Variants in SDK1 observed in about 807,000 individuals in gnomAD.
The protein encoded by SDK1 is sidekick cell adhesion molecule 1.
A neutral mutation model predicts 245.5 loss-of-function variants in SDK1; 157 were observed. The ratio of observed to expected loss-of-function variants is 0.64; its 90% CI spans 0.56 to 0.73. The LOEUF is 0.73. Among genes scored for constraint, SDK1 ranks in the 30% least tolerant of loss-of-function variants. The pLI, the probability that SDK1 is intolerant of heterozygous loss-of-function variation, is 0.00. For synonymous variants in SDK1, 1,647 were observed against 1,278.5 expected (o/e 1.29, Z -6.15); for missense variants, 3,583 against 3,002.3 (o/e 1.19, Z -4.52).
Position 4,145,791 on chromosome 7 carries a change from CAGTG to C in SDK1, c.4301_4304del (p.Val1434GlyfsTer56). 2 of 1,613,842 alleles carry C rather than the reference CAGTG, an allele frequency of 1.2e-6. No homozygotes were observed. The highest frequency in any genetic ancestry group is 1.7e-6 in the Non-Finnish European group (2 of 1,179,924). On this transcript the variant is annotated frameshift_variant, in exon 29 of 45. Coordinates refer to ENST00000404826, the MANE Select transcript of SDK1 (RefSeq NM_152744.4). LOFTEE classifies it high-confidence loss of function. ...TTCACCACCGTGGAGGTCGGCGCCA[CAGTG>C]AGGCAGTTCACAGCCACCGACCTGG...
chr7:3,548,654 C>T (rs1487983077), intron 1 of SDK1, among the ~76,000 whole-genome samples: 1 of 152,176 alleles, frequency 6.6e-6, no homozygotes, highest in East Asian at 1.9e-4. Context: ...TTCCAGATTG[C>T]TCTCCAGAAA....
At chr7:3,662,398 A>G (rs973185604) in intron 4 of SDK1, among the ~76,000 whole-genome samples, 20 of 152,166 alleles carry the variant, frequency 1.3e-4, no homozygotes, top group African/African-American at 4.8e-4. Flanking sequence ...ATCTTTGCCT[A>G]GTCCCCTGTC....
chr7:3,334,843 T>C (rs146388861), intron 1 of SDK1, among the ~76,000 whole-genome samples: 1 of 152,312 alleles, frequency 6.6e-6, no homozygotes, highest in African/African-American at 2.4e-5. Flanking sequence ...CATAGGCTTC[T>C]CACATCTAAT....
chr7:4,062,835 A>G (rs77187396), intron 19 of SDK1, among the ~76,000 whole-genome samples: 2,829 of 152,328 alleles, frequency 0.019, 87 homozygotes, highest in African/African-American at 0.065. Context: ...CATCACTCCA[A>G]CATAATAAAA....
chr7:3,491,037 C>G (rs1309411982), intron 1 of SDK1, among the ~76,000 whole-genome samples: 4 of 152,248 alleles, frequency 2.6e-5, no homozygotes, highest in East Asian at 1.9e-4. Flanking sequence ...CACATTTACT[C>G]TAGTCTTCAC....
intron 34 of SDK1, among the ~76,000 whole-genome samples, chr7:4,177,720 T>C (rs1782301470): frequency 6.6e-6 from 1 of 152,212 alleles, no homozygotes; most frequent in South Asian, 2.1e-4. Flanking sequence ...TTTGGGAGGA[T>C]TCAAGTGCAT....
chr7:4,147,625 T>G (rs1255835467), intron 29 of SDK1, among the ~76,000 whole-genome samples: 6 of 152,038 alleles, frequency 3.9e-5, no homozygotes, highest in Admixed American at 2.6e-4. Flanking sequence ...CTATCATTAT[T>G]ATTGTTATTA....
intron 1 of SDK1, among the ~76,000 whole-genome samples, chr7:3,482,604 G>A (rs1047968297): frequency 1.3e-5 from 2 of 152,174 alleles, no homozygotes; most frequent in Non-Finnish European, 2.9e-5. Flanking sequence ...CCACCAGAGG[G>A]CCTCCCACAG....
intron 8 of SDK1, among the ~76,000 whole-genome samples, chr7:3,961,129 C>T (rs914389028): frequency 1.3e-5 from 2 of 152,160 alleles, no homozygotes; most frequent in Non-Finnish European, 1.5e-5. Flanking sequence ...ACAGATCTTC[C>T]GACATTGCAC....
At chr7:3,341,192 G>T (rs1780339298) in intron 1 of SDK1, among the ~76,000 whole-genome samples, 1 of 152,186 alleles carries the variant, frequency 6.6e-6, no homozygotes, top group African/African-American at 2.4e-5. Context: ...ATTTATGCCA[G>T]CCATGCAAGA....
At chr7:4,254,860 G>C (rs1787531965) in intron 44 of SDK1, among the ~76,000 whole-genome samples, 1 of 152,140 alleles carries the variant, frequency 6.6e-6, no homozygotes, top group Non-Finnish European at 1.5e-5. Context: ...GCAATGCATA[G>C]AGTCTTGCTG....
At chr7:3,774,415 A>G (rs912323888) in intron 4 of SDK1, among the ~76,000 whole-genome samples, 2 of 152,080 alleles carry the variant, frequency 1.3e-5, no homozygotes, top group African/African-American at 4.8e-5. Context: ...CTTTTTGCCT[A>G]CCAAGGCTCC....
chr7:4,227,371 T>C (rs1386860556), intron 40 of SDK1: 3 of 471,076 alleles, frequency 6.4e-6, no homozygotes, highest in Non-Finnish European at 1.3e-5. Context: ...TTCTTCGTCA[T>C]CTTAACATGC....
At chr7:3,568,902 G>T (rs962253871) in intron 1 of SDK1, among the ~76,000 whole-genome samples, 17 of 151,980 alleles carry the variant, frequency 1.1e-4, no homozygotes, top group African/African-American at 3.9e-4. Context: ...TTTCCCAAAG[G>T]AATTATAGGC....
intron 1 of SDK1, among the ~76,000 whole-genome samples, chr7:3,595,854 A>C (rs61084908): frequency 0.018 from 2,639 of 143,760 alleles, 68 homozygotes; most frequent in African/African-American, 0.043. Context: ...AAAAAAAAAA[A>C]AACAACAACA....
chr7:3,803,684 A>G (rs1171480516), intron 4 of SDK1, among the ~76,000 whole-genome samples: 1 of 148,822 alleles, frequency 6.7e-6, no homozygotes, highest in Admixed American at 6.7e-5. Context: ...CTAGATATGT[A>G]TGCTTTATCA....
intron 1 of SDK1, among the ~76,000 whole-genome samples, chr7:3,483,605 A>G (rs1781585252): frequency 6.6e-6 from 1 of 152,164 alleles, no homozygotes; most frequent in Non-Finnish European, 1.5e-5. Context: ...AGTGGAACAG[A>G]TATCCTTGTT....
At chr7:4,181,070 C>T (rs971712800) in intron 35 of SDK1, among the ~76,000 whole-genome samples, 11 of 152,242 alleles carry the variant, frequency 7.2e-5, no homozygotes, top group African/African-American at 2.4e-4. Flanking sequence ...TCTTCCCAAA[C>T]AGAAATCCCA....
intron 19 of SDK1, among the ~76,000 whole-genome samples, chr7:4,052,371 C>T (rs1443690743): frequency 6.6e-6 from 1 of 151,952 alleles, no homozygotes; most frequent in Non-Finnish European, 1.5e-5. Context: ...GTCACAGATG[C>T]ACACAAAGAT....
Sources: allele counts gnomAD v4.1 joint callset (sites outside exome capture counted in the v4.1 genomes callset), GRCh38; gene constraint gnomAD v4.1.1; transcripts MANE v1.5; gene names NCBI Gene and HGNC (gene_info 2026-07-23, HGNC 2026-07-21).